Variants in SHISA9 observed in about 807,000 individuals in gnomAD.
SHISA9 encodes protein shisa-9.
A neutral mutation model predicts 38.0 loss-of-function variants in SHISA9; 13 were observed. That is an observed-to-expected ratio of 0.34 (90% confidence interval 0.22 to 0.54). The LOEUF (loss-of-function observed/expected upper bound fraction) is 0.54. Among genes scored for constraint, SHISA9 ranks in the 20% least tolerant of loss-of-function variants. SHISA9 has a pLI of 0.91. For synonymous variants in SHISA9, 275 were observed against 242.0 expected, an observed-to-expected ratio of 1.14 and a Z score of -1.27; for missense variants, 538 against 575.8, an observed-to-expected ratio of 0.93 and a Z score of 0.67.
chr16:12,924,004 T>G (rs1372255577), intron 2 of SHISA9, among the ~76,000 whole-genome samples: 1 of 152,114 alleles, frequency 6.6e-6, no homozygotes. Flanking sequence ...TCTCAAGAAC[T>G]TCAGGAGGTA....
At chr16:13,246,749 A>G in the SHISA9 span, among the ~76,000 whole-genome samples, 1 of 152,180 alleles carries the variant, frequency 6.6e-6, no homozygotes, top group Non-Finnish European at 1.5e-5. Context: ...TATTATTATC[A>G]GTGTGTTAAG....
chr16:13,073,452 C>G (rs1018575945), intron 2 of SHISA9, among the ~76,000 whole-genome samples: 1 of 152,130 alleles, frequency 6.6e-6, no homozygotes. Context: ...TGATCTCCCA[C>G]GTGGGGTCCC....
the SHISA9 span, among the ~76,000 whole-genome samples, chr16:13,547,397 T>C: frequency 2.0e-5 from 3 of 152,130 alleles, no homozygotes; most frequent in Admixed American, 6.5e-5. Flanking sequence ...AATTAGCTCA[T>C]GAGATTATGG....
intron 2 of SHISA9, among the ~76,000 whole-genome samples, chr16:13,054,552 A>G (rs889033259): frequency 8.5e-5 from 13 of 152,240 alleles, no homozygotes; most frequent in African/African-American, 3.1e-4. Flanking sequence ...ACTTTCTATT[A>G]TAATCTCCTT....
the SHISA9 span, among the ~76,000 whole-genome samples, chr16:13,523,347 C>T: frequency 0.34 from 50,901 of 151,928 alleles, 8,696 homozygotes; most frequent in East Asian, 0.44. Context: ...AAGACTCCAT[C>T]TCAAATAAAT....
chr16:13,188,666 A>G (rs2050852500), intron 2 of SHISA9, among the ~76,000 whole-genome samples: 1 of 135,776 alleles, frequency 7.4e-6, no homozygotes, highest in South Asian at 2.6e-4. Context: ...GCTGTGAGCT[A>G]TGATTGCGCC....
At chr16:13,446,914 A>G in the SHISA9 span, among the ~76,000 whole-genome samples, 1 of 151,590 alleles carries the variant, frequency 6.6e-6, no homozygotes, top group Non-Finnish European at 1.5e-5. Flanking sequence ...TGGGAGGTGA[A>G]GGTTGTGGTG....
chr16:12,918,675 G>C (rs2071289321), intron 2 of SHISA9, among the ~76,000 whole-genome samples: 2 of 152,186 alleles, frequency 1.3e-5, no homozygotes, highest in Admixed American at 6.5e-5. Context: ...GTCTATATTT[G>C]TGCCTAAGTA....
the SHISA9 span, among the ~76,000 whole-genome samples, chr16:13,268,873 A>G: frequency 6.6e-6 from 1 of 152,188 alleles, no homozygotes; most frequent in African/African-American, 2.4e-5. Context: ...AATTGGACAC[A>G]TGATACCAGT....
At chr16:13,462,884 C>A in the SHISA9 span, among the ~76,000 whole-genome samples, 1 of 152,060 alleles carries the variant, frequency 6.6e-6, no homozygotes, top group East Asian at 1.9e-4. Context: ...ATCACTTGAA[C>A]CCGGGAGGCA....
At chr16:12,960,459 G>A (rs775129002) in intron 2 of SHISA9, among the ~76,000 whole-genome samples, 5 of 151,938 alleles carry the variant, frequency 3.3e-5, no homozygotes, top group African/African-American at 4.8e-5. Context: ...CTAAAGATAC[G>A]TGCACACATA....
intron 2 of SHISA9, among the ~76,000 whole-genome samples, chr16:12,974,228 C>A (rs1014454093): frequency 1.3e-5 from 2 of 152,106 alleles, no homozygotes; most frequent in Admixed American, 6.5e-5. Context: ...TATATCTGGA[C>A]AAGCTTGGGC....
At chr16:13,397,889 T>C in the SHISA9 span, among the ~76,000 whole-genome samples, 1 of 152,136 alleles carries the variant, frequency 6.6e-6, no homozygotes, top group African/African-American at 2.4e-5. Flanking sequence ...GCTTGGAGAA[T>C]GAGTGCAAGG....
chr16:13,313,074 T>C, the SHISA9 span, among the ~76,000 whole-genome samples: 6 of 150,568 alleles, frequency 4.0e-5, no homozygotes, highest in African/African-American at 9.7e-5. Context: ...GCTAAAACGG[T>C]GAAACCCCGT....
chr16:12,970,419 A>ACT, intron 2 of SHISA9, among the ~76,000 whole-genome samples: 1 of 2,764 alleles, frequency 3.6e-4, no homozygotes, highest in Non-Finnish European at 1.3e-3. Flanking sequence ...ATATATATAC[A>ACT]CATATATGTA....
intron 2 of SHISA9, among the ~76,000 whole-genome samples, chr16:12,926,834 C>T (rs180675040): frequency 2.1e-3 from 326 of 152,260 alleles, no homozygotes; most frequent in Admixed American, 5.4e-3. Context: ...CTTTGCCCAC[C>T]GCTGACTGAG....
At chr16:13,063,241 C>T (rs1056289627) in intron 2 of SHISA9, among the ~76,000 whole-genome samples, 10 of 152,056 alleles carry the variant, frequency 6.6e-5, no homozygotes, top group African/African-American at 1.4e-4. Context: ...CTCCTGACCT[C>T]GTGATCTGCC....
In SHISA9 at chr16:13,186,743, C is replaced by T. The variant is rs1005630615; in HGVS notation, c.692-16651C>T. On this transcript the variant is annotated intron_variant, in intron 2 of 4. Coordinates refer to ENST00000558583, the MANE Select transcript of SHISA9 (RefSeq NM_001145204.3). ...AAATCCCAATCCCCGCTTCTCCAGCCCCTGGTAACCATTCTACTTTCCATC... is the reference window on the plus strand; with the variant it reads ...AAATCCCAATCCCCGCTTCTCCAGCTCCTGGTAACCATTCTACTTTCCATC... Among the ~76,000 whole-genome samples, 9 of 152,278 alleles carry T rather than the reference C, an allele frequency of 5.9e-5. No homozygotes were observed. The East Asian group carries it at 1.7e-3, about 29-fold the overall frequency.
chr16:13,190,818 A>T (rs754354830), intron 2 of SHISA9, among the ~76,000 whole-genome samples: 2 of 152,140 alleles, frequency 1.3e-5, no homozygotes, highest in Admixed American at 6.5e-5. Context: ...TAAATGGTTC[A>T]AATTTTTTTT....
Sources: gnomAD v4.1 joint callset for allele counts (sites outside exome capture counted in the v4.1 genomes callset) on GRCh38, gnomAD v4.1.1 for gene constraint, MANE v1.5 for transcripts, NCBI Gene and HGNC (gene_info 2026-07-23, HGNC 2026-07-21) for gene names.